Variants in DISP3 observed in about 807,000 individuals in gnomAD.
DISP3 encodes dispatched RND transporter family member 3.
Under a neutral mutation model 135.3 loss-of-function variants are expected in DISP3, and 101 were observed. The ratio of observed to expected loss-of-function variants is 0.75; its 90% CI spans 0.64 to 0.88. The LOEUF is 0.88. Among genes scored for constraint, DISP3 ranks in the 40% least tolerant of loss-of-function variants. The pLI is 0.00. For missense variants in DISP3, 1,713 were observed against 1,878.6 expected (o/e 0.91, Z 1.63); for synonymous variants, 856 against 817.0 (o/e 1.05, Z -0.81).
rs183288353 is a variant in DISP3, at chr1:11,490,954, G to A, written c.-3-10036G>A. 3.9e-5 allele frequency among the ~76,000 whole-genome samples: 6 copies of A among 152,296 alleles called. No homozygotes were observed. In the East Asian group the frequency reaches 1.2e-3, roughly 29 times the overall value. On this transcript the variant is annotated intron_variant, in intron 1 of 20. Transcript: ENST00000294484. Reference sequence around the variant, plus strand: ...GGGCCTGGCAGATAGTAAGCCCTTGGACTTCTAGTTCCTTTTACTGTCTGG... The same window carrying A: ...GGGCCTGGCAGATAGTAAGCCCTTGAACTTCTAGTTCCTTTTACTGTCTGG...
In DISP3 at chr1:11,519,750, G is replaced by C; in HGVS notation, c.2070G>C (p.Val690=). The C allele has an allele frequency of 6.2e-7, 1 of 1,613,096 alleles. No individual in the cohort carries two copies. The highest frequency in any genetic ancestry group is 8.5e-7 in the Non-Finnish European group (1 of 1,180,006). ...VSLELGDVSL[V]SVSPEGLQPA... Reference sequence around the variant, plus strand: ...TGGAGCTGGGAGACGTGTCCCTGGTGTCTGTGTCCCCCGAGGGTCTGCAGC... The same window carrying C: ...TGGAGCTGGGAGACGTGTCCCTGGTCTCTGTGTCCCCCGAGGGTCTGCAGC... The change falls in exon 9 of 21, where the codon GTG becomes GTC. Residue 690 remains valine (V), a synonymous_variant. Coordinates refer to ENST00000294484, the MANE Select transcript of DISP3 (RefSeq NM_020780.2). The surrounding 1 kb of genome is among the most constrained non-coding windows in gnomAD (Gnocchi z 4.3).
rs773094088 is a variant in DISP3 at position 11,501,798 on chromosome 1, C to T, written c.806C>T (p.Thr269Met). 6 of 1,604,024 alleles carry T rather than the reference C, an allele frequency of 3.7e-6. No individual in the cohort carries two copies. The highest frequency in any genetic ancestry group is 5.1e-6 in the Non-Finnish European group (6 of 1,174,484). Residue 269 changes from threonine (T) to methionine (M), a missense_variant, in exon 2 of 21, where the codon ACG becomes ATG. By Grantham distance (81) the Thr-to-Met change is moderately conservative. Around this residue, in one of 2 missense-constraint regions of DISP3, gnomAD observed 571 missense variants for 494.1 expected, o/e 1.16. Transcript: ENST00000294484. This position sits in a 1 kb window ranked among gnomAD's most constrained non-coding sequence, Gnocchi z 4.9. ...GCCTATGTGAGTGCCAACACTCAGA[C>T]GCACGCGCACTGGCGCATCGAGCTC... The part of the protein sequence containing the change: ...SRAYVSANTQ[T>M]HAHWRIELIF...
intron 1 of DISP3, among the ~76,000 whole-genome samples, chr1:11,484,768 G>A (rs575002212): frequency 6.6e-6 from 1 of 152,286 alleles, no homozygotes; most frequent in South Asian, 2.1e-4. Context: ...GGGGTGGTAA[G>A]GACAGTGGGA....
chr1:11,532,375 C>T (rs1206947208), intron 17 of DISP3, among the ~76,000 whole-genome samples: 5 of 152,198 alleles, frequency 3.3e-5, no homozygotes, highest in Admixed American at 6.5e-5. Flanking sequence ...TCCCCTCTGG[C>T]CTCATCTGTA....
At position 11,516,152 on chromosome 1, in the gene DISP3, C is replaced by T. The variant is rs1310453067; in HGVS notation, c.1740C>T (p.Val580=). The part of the protein sequence containing the change: ...LTTAAAYAAN[V]FSQIPAVHDF... ...CAGCCGCCGCCTACGCAGCTAACGTCTTCTCCCAGGTGCGGACCTGTCCTC... is the reference window on the plus strand; with the variant it reads ...CAGCCGCCGCCTACGCAGCTAACGTTTTCTCCCAGGTGCGGACCTGTCCTC... The change falls in exon 6 of 21, where the codon GTC becomes GTT. Residue 580 remains valine (V), a synonymous_variant. Transcript: ENST00000294484. The surrounding 1 kb of genome is among the most constrained non-coding windows in gnomAD (Gnocchi z 5.1). 1 of 1,613,944 alleles carries T rather than the reference C, an allele frequency of 6.2e-7. No individual in the cohort carries two copies. The highest frequency in any genetic ancestry group is 8.5e-7 in the Non-Finnish European group (1 of 1,179,904).
rs774220295 is a variant in DISP3 at position 11,519,529 on chromosome 1, A to T, written c.2038+26A>T. On this transcript the variant is annotated intron_variant, in intron 8 of 20. Coordinates refer to ENST00000294484, the MANE Select transcript of DISP3 (RefSeq NM_020780.2). The surrounding 1 kb of genome is among the most constrained non-coding windows in gnomAD (Gnocchi z 4.3). ...GTGAGAGCTGGCACAGGCCTGCCCT[A>T]CTGACCCCAGTGAGACCCAGCGCTG... is the stretch of plus-strand genomic sequence containing the variant. 1 of 1,611,752 alleles carries T rather than the reference A, an allele frequency of 6.2e-7. No individual in the cohort carries two copies. The highest frequency in any genetic ancestry group is 1.3e-5 in the African/African-American group (1 of 74,914).
intron 1 of DISP3, among the ~76,000 whole-genome samples, chr1:11,480,677 G>GCACACACACACACACACACA (rs70983561): frequency 7.0e-6 from 1 of 142,632 alleles, no homozygotes; most frequent in Non-Finnish European, 1.5e-5. Flanking sequence ...GCGCGCGCGT[G>GCACACACACACACACACACA]CACACACACA....
Position 11,526,833 on chromosome 1 carries a change from C to T in DISP3, c.2796C>T (p.Thr932=). 6.3e-7 allele frequency: 1 copy of T among 1,599,140 alleles called. No homozygotes were observed. Among genetic ancestry groups the T allele is most frequent in the Non-Finnish European group, 8.5e-7 (1 of 1,176,552 alleles). Residue 932 remains threonine (T), a splice_region_variant and synonymous_variant, in exon 13 of 21, where the codon ACC becomes ACT. Transcript: ENST00000294484. The stretch of plus-strand genomic sequence containing the variant: ...TGGCCACCAAGGAGCAGCAGCACAC[C>T]CGGTAACAGAGCCTGGCAGACAAGC... ...FYVATKEQQH[T]RKLYFAQSHK... is the part of the protein sequence containing the mutation.
chr1:11,521,306 G>A (rs1444841403), intron 10 of DISP3, among the ~76,000 whole-genome samples: 1 of 142,834 alleles, frequency 7.0e-6, no homozygotes, highest in African/African-American at 2.6e-5. Context: ...GGAGGGAAGG[G>A]GTGGGGTTAA....
intron 1 of DISP3, among the ~76,000 whole-genome samples, chr1:11,492,845 C>T (rs1641227818): frequency 6.6e-6 from 1 of 152,116 alleles, no homozygotes. Flanking sequence ...CATACCCCTT[C>T]CTCTATGGAT....
At chr1:11,487,180 C>T (rs1641059481) in intron 1 of DISP3, among the ~76,000 whole-genome samples, 1 of 152,180 alleles carries the variant, frequency 6.6e-6, no homozygotes, top group Admixed American at 6.5e-5. Context: ...CCTCATCCCC[C>T]CAGTCTTGAA....
rs986064247 is a variant in DISP3 at position 11,530,568 on chromosome 1, G to T, written c.3103-339G>T. ...GTCTGCAGGCGCTCGGAGCAGGGGT[G>T]GGGGGACCAGGCAGGTTCTGCAGGA... On this transcript the variant is annotated intron_variant, in intron 15 of 20. Transcript: ENST00000294484. Among the ~76,000 whole-genome samples, 9 of 152,212 alleles carry T rather than the reference G, an allele frequency of 5.9e-5. No individual in the cohort carries two copies. The South Asian group carries it at 1.5e-3, about 25-fold the overall frequency.
intron 1 of DISP3, among the ~76,000 whole-genome samples, chr1:11,494,073 G>T (rs1370439806): frequency 5.3e-5 from 8 of 152,232 alleles, no homozygotes; most frequent in Admixed American, 5.2e-4. Flanking sequence ...GGCCAAAAGA[G>T]CCTGGGCTTT....
chr1:11,513,112 A>G (rs964149508), intron 3 of DISP3, among the ~76,000 whole-genome samples: 2 of 151,974 alleles, frequency 1.3e-5, no homozygotes, highest in Non-Finnish European at 2.9e-5. Flanking sequence ...GCCTATCACC[A>G]TCTCTACTAA....
At position 11,501,923 on chromosome 1, in the gene DISP3, T is replaced by G; in HGVS notation, c.931T>G (p.Phe311Val). 1 of 1,613,628 alleles carries G rather than the reference T, an allele frequency of 6.2e-7. No homozygotes were observed. Among genetic ancestry groups the G allele is most frequent in the Non-Finnish European group, 8.5e-7 (1 of 1,179,886 alleles). Reference protein sequence around the residue: ...IERKIMDHPGFREFCWKPHEV... With the variant: ...IERKIMDHPGVREFCWKPHEV... ...GCGCAAGATCATGGACCACCCAGGC[T>G]TCCGGGAGTTCTGCTGGAAGCCCCA... Residue 311 changes from phenylalanine (F) to valine (V), a missense_variant, in exon 2 of 21, where the codon TTC becomes GTC. Transcript: ENST00000294484. This position sits in a 1 kb window ranked among gnomAD's most constrained non-coding sequence, Gnocchi z 4.9.
chr1:11,498,358 C>A (rs1356248874), intron 1 of DISP3, among the ~76,000 whole-genome samples: 1 of 151,914 alleles, frequency 6.6e-6, no homozygotes, highest in Non-Finnish European at 1.5e-5. Flanking sequence ...GCTCACATCA[C>A]ATGGTGGTTG....
At chr1:11,522,554 C>T (rs1642230310) in intron 10 of DISP3, among the ~76,000 whole-genome samples, 1 of 151,122 alleles carries the variant, frequency 6.6e-6, no homozygotes, top group Non-Finnish European at 1.5e-5. Context: ...CAGCCAGGAC[C>T]CAGCCAGAGC....
rs752240590 is a variant in DISP3 at position 11,535,135 on chromosome 1, G to A, written c.3649+11G>A. ...TCCTCAGCATCTTGGGTACGTGGGC[G>A]AGGGGCTGGCAGGCACCCTGCTGGT... On this transcript the variant is annotated intron_variant, in intron 19 of 20. Coordinates refer to ENST00000294484, the MANE Select transcript of DISP3 (RefSeq NM_020780.2). The A allele has an allele frequency of 8.8e-6, 14 of 1,589,704 alleles. No individual in the cohort carries two copies. The highest frequency in any genetic ancestry group is 2.7e-5 in the African/African-American group (2 of 74,728).
chr1:11,496,550 C>G (rs1641339686), intron 1 of DISP3, among the ~76,000 whole-genome samples: 1 of 152,204 alleles, frequency 6.6e-6, no homozygotes, highest in African/African-American at 2.4e-5. Context: ...ACAGGAACCA[C>G]CTTGGTTCCT....
Sources: allele counts gnomAD v4.1 joint callset (sites outside exome capture counted in the v4.1 genomes callset), GRCh38; gene constraint gnomAD v4.1.1; regional missense constraint gnomAD v4.1.1; non-coding constraint Gnocchi (gnomAD v3.1); transcripts MANE v1.5; gene names NCBI Gene and HGNC (gene_info 2026-07-23, HGNC 2026-07-21).